Variants in LYN observed in about 807,000 individuals in gnomAD.
LYN encodes LYN proto-oncogene, Src family tyrosine kinase, also known as tyrosine-protein kinase Lyn.
LYN carries 12 observed loss-of-function variants against 65.0 expected under a neutral mutation model. That is an observed-to-expected ratio of 0.18 (90% CI 0.12 to 0.30). The LOEUF is 0.30. LYN is among the 10% of genes least tolerant of loss of function. The probability of loss-of-function intolerance (pLI) is 1.00; values close to 1 mark genes in which losing one functional copy is unlikely to be tolerated. For missense variants in LYN, 380 were observed against 623.2 expected (o/e 0.61, Z 4.16); for synonymous variants, 222 against 221.2 (o/e 1.00, Z -0.03).
intron 10 of LYN, among the ~76,000 whole-genome samples, chr8:55,975,405 G>A (rs568078167): frequency 1.3e-5 from 2 of 152,328 alleles, no homozygotes; most frequent in Admixed American, 6.5e-5. Flanking sequence ...GGAGGCACAG[G>A]TTGGGTTTCC....
At chr8:55,969,521 C>T (rs78411918) in intron 9 of LYN, among the ~76,000 whole-genome samples, 196 bp from the exon 10 acceptor site, 3 of 152,334 alleles carry the variant, frequency 2.0e-5, no homozygotes, top group African/African-American at 7.2e-5. Flanking sequence ...CCATGTTTCA[C>T]ATCAGGTCAA....
chr8:55,964,174 A>G (rs887882424), intron 8 of LYN, among the ~76,000 whole-genome samples: 3 of 152,022 alleles, frequency 2.0e-5, no homozygotes, highest in African/African-American at 7.2e-5. Context: ...TTATGTTACT[A>G]TCTTCTCCAT....
intron 10 of LYN, among the ~76,000 whole-genome samples, chr8:55,971,457 G>A (rs1366025068): frequency 6.6e-6 from 1 of 152,220 alleles, no homozygotes; most frequent in Admixed American, 6.5e-5. Context: ...GGTGATTTGG[G>A]TGTCCCCATG....
chr8:55,930,942 T>C (rs1177239214), intron 1 of LYN, among the ~76,000 whole-genome samples: 1 of 152,184 alleles, frequency 6.6e-6, no homozygotes, highest in East Asian at 1.9e-4. Context: ...TGAGCCCCCA[T>C]GCATGGCTAC....
intron 10 of LYN, among the ~76,000 whole-genome samples, chr8:55,976,857 A>G (rs1357766992): frequency 6.6e-6 from 1 of 152,032 alleles, no homozygotes; most frequent in Admixed American, 6.6e-5. Flanking sequence ...ATATGGAGAG[A>G]ACAGCTTAGG....
At chr8:55,965,299 C>T (rs1807419355) in intron 8 of LYN, among the ~76,000 whole-genome samples, 1 of 152,040 alleles carries the variant, frequency 6.6e-6, no homozygotes, top group Non-Finnish European at 1.5e-5. Flanking sequence ...TTGTGGGAAA[C>T]GCTGGGGTGA....
chr8:55,987,755 A>ACTC (rs1808121530), intron 10 of LYN, among the ~76,000 whole-genome samples: 1 of 152,166 alleles, frequency 6.6e-6, no homozygotes, highest in African/African-American at 2.4e-5. Context: ...AATGTGGATG[A>ACTC]ATGCTTAAGA....
At chr8:55,915,132 G>A (rs1805748238) in intron 1 of LYN, among the ~76,000 whole-genome samples, 1 of 152,060 alleles carries the variant, frequency 6.6e-6, no homozygotes, top group African/African-American at 2.4e-5. Context: ...TCTTTCTTTT[G>A]AAAATCTCTT....
intron 1 of LYN, among the ~76,000 whole-genome samples, chr8:55,921,660 G>A (rs1335994343): frequency 2.6e-5 from 4 of 152,134 alleles, no homozygotes; most frequent in Non-Finnish European, 5.9e-5. Flanking sequence ...TGATGCCACC[G>A]TGCCAATTAG....
At chr8:55,996,057 G>C (rs912643452) in intron 10 of LYN, among the ~76,000 whole-genome samples, 1 of 152,172 alleles carries the variant, frequency 6.6e-6, no homozygotes, top group Non-Finnish European at 1.5e-5. Flanking sequence ...AAGTTTGAAG[G>C]CTCCAATGTA....
intron 1 of LYN, among the ~76,000 whole-genome samples, chr8:55,883,800 A>G (rs999865871): frequency 4.6e-5 from 7 of 152,086 alleles, no homozygotes; most frequent in Admixed American, 3.3e-4. Context: ...ATAGATATAC[A>G]TTGCCTCCCA....
intron 1 of LYN, among the ~76,000 whole-genome samples, chr8:55,935,795 AAAACAGGAATTTGGGAAAATTGATGC>A (rs1806416576): frequency 2.0e-5 from 3 of 151,956 alleles, no homozygotes; most frequent in African/African-American, 7.2e-5. Flanking sequence ...AAAAAAAAAA[AAAACAGGAATTTGGGAAAATTGATGC>A]AAGACTGAAC....
Position 56,010,998 on chromosome 8 carries a change from T to C in LYN, c.*888T>C, listed in dbSNP as rs1040728657. ...AGATTCTAATCTCTGAAGAACCTTA[T>C]AGGGCCTTCTAAAACATAAGAGTTT... On this transcript the variant is annotated 3_prime_UTR_variant, in exon 13 of 13. Coordinates refer to ENST00000519728, the MANE Select transcript of LYN (RefSeq NM_002350.4). 17 of 232,420 alleles carry C rather than the reference T, an allele frequency of 7.3e-5. No homozygotes were observed. Among genetic ancestry groups the C allele is most frequent in the Non-Finnish European group, 1.0e-4 (12 of 117,644 alleles). The allele number at this position is 232,420 out of a possible 1,614,324, so 14.4% of individuals were successfully genotyped here.
At chr8:55,999,216 G>A (rs1339282962) in intron 11 of LYN, among the ~76,000 whole-genome samples, 3 of 152,070 alleles carry the variant, frequency 2.0e-5, no homozygotes, top group African/African-American at 7.2e-5. Flanking sequence ...GTTGAACAAG[G>A]ATTATTATTA....
intron 10 of LYN, among the ~76,000 whole-genome samples, chr8:55,973,387 T>A (rs1298353935): frequency 6.6e-6 from 1 of 152,232 alleles, no homozygotes; most frequent in Non-Finnish European, 1.5e-5. Flanking sequence ...TACCCACTGC[T>A]TTTCTCTTTG....
intron 9 of LYN, among the ~76,000 whole-genome samples, chr8:55,967,327 TTTTTG>T (rs1374043027): frequency 6.4e-4 from 76 of 117,990 alleles, no homozygotes; most frequent in Non-Finnish European, 1.1e-3. Context: ...TTTTTTTTTT[TTTTTG>T]GAAACAGAGT....
At chr8:55,931,988 A>G (rs994210531) in intron 1 of LYN, among the ~76,000 whole-genome samples, 4 of 152,224 alleles carry the variant, frequency 2.6e-5, no homozygotes, top group Non-Finnish European at 5.9e-5. Context: ...TAAGTGACCA[A>G]ATCATTTCCA....
At position 55,998,612 on chromosome 8, in the gene LYN, A is replaced by G. The variant is rs1291578093; in HGVS notation, c.1204+113A>G. ...CCATTAAGAAAAACTTATTTGGTAC[A>G]ACATTTAAGCTGTACCATAATTGTC... On this transcript the variant is annotated intron_variant, in intron 11 of 12. Coordinates refer to ENST00000519728, the MANE Select transcript of LYN (RefSeq NM_002350.4). The G allele has an allele frequency of 3.8e-5, 36 of 954,652 alleles. No individual in the cohort carries two copies. The South Asian group carries it at 5.1e-4, about 13-fold the overall frequency. 59.1% of individuals were successfully genotyped at this position (954,652 alleles called of 1,614,324 possible).
chr8:55,924,493 G>T (rs950955221), intron 1 of LYN, among the ~76,000 whole-genome samples: 1 of 151,826 alleles, frequency 6.6e-6, no homozygotes, highest in African/African-American at 2.4e-5. Flanking sequence ...CTCCCTAGTG[G>T]CTGGGATTAC....
Sources: allele counts gnomAD v4.1 joint callset (sites outside exome capture counted in the v4.1 genomes callset), GRCh38; gene constraint gnomAD v4.1.1; transcripts MANE v1.5; gene names NCBI Gene and HGNC (gene_info 2026-07-23, HGNC 2026-07-21).